IRAK1BP1: variants seen among roughly 807,000 people sequenced by gnomAD.
The protein encoded by IRAK1BP1 is interleukin 1 receptor associated kinase 1 binding protein 1, also known as interleukin-1 receptor-associated kinase 1-binding protein 1.
Under a neutral mutation model 28.0 loss-of-function variants are expected in IRAK1BP1, and 24 were observed. The observed-to-expected ratio is 0.86, with a 90% confidence interval of 0.62 to 1.20. IRAK1BP1 has a LOEUF of 1.20. IRAK1BP1 is among the 50% of genes most tolerant of loss of function. IRAK1BP1 has a pLI of 0.00. For synonymous variants in IRAK1BP1, 131 were observed against 116.3 expected (o/e 1.13, Z -0.81); for missense variants, 336 against 316.7 (o/e 1.06, Z -0.46).
chr6:78,947,909 T>C (rs1773915249), downstream of IRAK1BP1: 2 of 481,070 alleles, frequency 4.2e-6, no homozygotes, highest in South Asian at 5.6e-5. Flanking sequence ...GTTCCCCTTA[T>C]CAAGAGTCCC....
Position 78,885,366 on chromosome 6 carries a change from T to A in IRAK1BP1, c.316-12T>A, listed in dbSNP as rs1321770291. On this transcript the variant is annotated splice_polypyrimidine_tract_variant and intron_variant, in intron 1 of 3. Transcript: ENST00000369940. ...ATTTAGTAATCATACTCTTGGACTT[T>A]TTCTGTTTCAGGCAGAAAATATAAC... is the stretch of plus-strand genomic sequence containing the variant. 1 of 1,526,014 alleles carries A rather than the reference T, an allele frequency of 6.6e-7. No homozygotes were observed. 94.5% of individuals were successfully genotyped at this position (1,526,014 alleles called of 1,614,324 possible).
intron 1 of IRAK1BP1, among the ~76,000 whole-genome samples, chr6:78,882,167 C>T (rs778119294): frequency 9.2e-5 from 14 of 152,010 alleles, no homozygotes; most frequent in Non-Finnish European, 1.3e-4. Flanking sequence ...GGAGAAAGGG[C>T]TTATTCTAGG....
intron 2 of IRAK1BP1, among the ~76,000 whole-genome samples, chr6:78,887,810 T>C (rs867567145): frequency 8.5e-5 from 13 of 152,054 alleles, no homozygotes; most frequent in Non-Finnish European, 1.5e-4. Context: ...CCTCAAAAAA[T>C]TAAAAATAGA....
chr6:78,903,499 A>C (rs913270741), downstream of IRAK1BP1, among the ~76,000 whole-genome samples: 2 of 152,126 alleles, frequency 1.3e-5, no homozygotes, highest in African/African-American at 2.4e-5. Flanking sequence ...AAAAAAAAGA[A>C]AAAGATGTAT....
chr6:78,923,365 C>T (rs1464133654), intron 4 of IRAK1BP1, among the ~76,000 whole-genome samples: 1 of 152,116 alleles, frequency 6.6e-6, no homozygotes, highest in East Asian at 1.9e-4. Flanking sequence ...ACAAGAAGAG[C>T]TAACTCACCT....
chr6:78,931,256 A>G (rs190390637), intron 4 of IRAK1BP1, among the ~76,000 whole-genome samples: 38 of 152,202 alleles, frequency 2.5e-4, no homozygotes, highest in Non-Finnish European at 4.4e-4. Context: ...CAATCCATCA[A>G]TCAATAAATG....
intron 1 of IRAK1BP1, chr6:78,872,198 G>T: frequency 1.5e-6 from 1 of 677,442 alleles, no homozygotes; most frequent in African/African-American, 1.8e-5. Flanking sequence ...TGACCACAGC[G>T]GTAATTTGCT....
the IRAK1BP1 span, chr6:78,956,718 G>A: frequency 1.3e-5 from 2 of 152,040 alleles, no homozygotes; most frequent in Non-Finnish European, 2.9e-5. Flanking sequence ...AACATTTCCA[G>A]AATCTATCAG....
At chr6:78,922,208 C>T (rs1772754592) in intron 4 of IRAK1BP1, among the ~76,000 whole-genome samples, 2 of 152,116 alleles carry the variant, frequency 1.3e-5, no homozygotes, top group Admixed American at 6.5e-5. Flanking sequence ...ATTAGAATAA[C>T]CAATGCAGAG....
At chr6:78,943,099 G>A (rs1043604639) in intron 4 of IRAK1BP1, among the ~76,000 whole-genome samples, 4 of 151,862 alleles carry the variant, frequency 2.6e-5, no homozygotes, top group South Asian at 2.1e-4. Flanking sequence ...ATAACATTTT[G>A]GATATAATGG....
At position 78,898,361 on chromosome 6, in the gene IRAK1BP1, G is replaced by T; in HGVS notation, c.*27G>T. ...ATTCCAAACAAATTATATTGTACTTGTATCTTTTTACCTATTTTTATACTT... is the reference window on the plus strand; with the variant it reads ...ATTCCAAACAAATTATATTGTACTTTTATCTTTTTACCTATTTTTATACTT... On this transcript the variant is annotated 3_prime_UTR_variant, in exon 4 of 4. Coordinates refer to ENST00000369940, the MANE Select transcript of IRAK1BP1 (RefSeq NM_001010844.4). 3 of 1,243,808 alleles carry T rather than the reference G, an allele frequency of 2.4e-6. No individual in the cohort carries two copies. The highest frequency in any genetic ancestry group is 3.3e-5 in the African/African-American group (2 of 60,760). 77.0% of individuals were successfully genotyped at this position (1,243,808 alleles called of 1,614,324 possible).
At chr6:78,961,886 A>G in the IRAK1BP1 span, 1 of 1,134,198 alleles carries the variant, frequency 8.8e-7, no homozygotes, top group Non-Finnish European at 1.3e-6. Flanking sequence ...GCTTGAATTA[A>G]GACTTAAAAA....
chr6:78,928,905 C>G (rs1043804232), intron 4 of IRAK1BP1, among the ~76,000 whole-genome samples: 3 of 152,046 alleles, frequency 2.0e-5, no homozygotes, highest in African/African-American at 7.2e-5. Context: ...TTGTTGAATT[C>G]AATTTGCAAG....
chr6:78,912,079 C>T (rs1422825353), intron 4 of IRAK1BP1, among the ~76,000 whole-genome samples: 1 of 152,130 alleles, frequency 6.6e-6, no homozygotes, highest in East Asian at 1.9e-4. Context: ...AGAAAATTGA[C>T]TTGGCAATTC....
chr6:78,871,417 A>G (rs1464492752), intron 1 of IRAK1BP1: 2 of 985,434 alleles, frequency 2.0e-6, no homozygotes, highest in Non-Finnish European at 2.4e-6. Context: ...TGCAACCAAA[A>G]GACAGACACC....
At chr6:78,955,342 T>C in the IRAK1BP1 span, 18 of 1,177,606 alleles carry the variant, frequency 1.5e-5, no homozygotes, top group African/African-American at 1.7e-4. Context: ...TACTTTATAG[T>C]TGATTAACTA....
intron 1 of IRAK1BP1, among the ~76,000 whole-genome samples, chr6:78,875,442 G>A (rs1581992022): frequency 6.6e-6 from 1 of 152,104 alleles, no homozygotes; most frequent in South Asian, 2.1e-4. Flanking sequence ...TATGTTTATT[G>A]CAGCACTATT....
chr6:78,961,620 T>TA, the IRAK1BP1 span: 1 of 1,518,266 alleles, frequency 6.6e-7, no homozygotes, highest in Non-Finnish European at 9.1e-7. Flanking sequence ...GAAACACTGC[T>TA]AAAGATCAGT....
At position 78,900,012 on chromosome 6, in the gene IRAK1BP1, C is replaced by T. The variant is rs1772038171; in HGVS notation, c.*1678C>T. The T allele has an allele frequency of 1.3e-5, 2 of 151,788 alleles. No homozygotes were observed. Among genetic ancestry groups the T allele is most frequent in the Admixed American group, 6.6e-5 (1 of 15,248 alleles). The allele number at this position is 151,788 out of a possible 1,614,324, so 9.4% of individuals were successfully genotyped here. On this transcript the variant is annotated 3_prime_UTR_variant, in exon 4 of 4. Transcript: ENST00000369940. ...AGTTGAAAAAAAGAGATTCACATAC[C>T]CAGGTTGTTCTAGCATGCCTAAAAA...
Sources: gnomAD v4.1 joint callset for allele counts (sites outside exome capture counted in the v4.1 genomes callset) on GRCh38, gnomAD v4.1.1 for gene constraint, MANE v1.5 for transcripts, NCBI Gene and HGNC (gene_info 2026-07-23, HGNC 2026-07-21) for gene names.